SNX24: variants seen among roughly 807,000 people sequenced by gnomAD.
SNX24 encodes the protein sorting nexin-24.
SNX24 carries 22 observed loss-of-function variants against 28.7 expected under a neutral mutation model. That is an observed-to-expected ratio of 0.77 (90% CI 0.55 to 1.10). The LOEUF is 1.10. Among genes scored for constraint, SNX24 ranks in the 50% least tolerant of loss-of-function variants. The pLI is 0.00. For missense variants in SNX24, 221 were observed against 201.1 expected (o/e 1.10, Z -0.60); for synonymous variants, 69 against 71.5 (o/e 0.96, Z 0.18).
At chr5:123,005,436 C>G (rs1023924645) in intron 6 of SNX24, among the ~76,000 whole-genome samples, 1 of 152,200 alleles carries the variant, frequency 6.6e-6, no homozygotes, top group African/African-American at 2.4e-5. Flanking sequence ...TGTCTCTGGG[C>G]CCTCTCCAGC....
chr5:122,946,192 CATAA>C (rs1759678318), intron 3 of SNX24, 33 bp downstream of exon 3: 2 of 1,189,432 alleles, frequency 1.7e-6, no homozygotes, highest in Non-Finnish European at 2.5e-6. Flanking sequence ...TTTTATATAA[CATAA>C]ATAATCATAT....
chr5:122,947,067 G>A (rs1262463856), intron 3 of SNX24, among the ~76,000 whole-genome samples: 1 of 152,172 alleles, frequency 6.6e-6, no homozygotes, highest in Non-Finnish European at 1.5e-5. Flanking sequence ...CTGGGGGCAG[G>A]GGAATCTTGG....
chr5:122,927,278 T>C (rs912384085), intron 1 of SNX24, among the ~76,000 whole-genome samples: 30 of 152,192 alleles, frequency 2.0e-4, no homozygotes, highest in African/African-American at 7.2e-4. Context: ...TCCAAGGAGT[T>C]TGATTCAAGA....
At chr5:122,921,454 A>G (rs1314023597) in intron 1 of SNX24, among the ~76,000 whole-genome samples, 3 of 152,184 alleles carry the variant, frequency 2.0e-5, no homozygotes, top group African/African-American at 7.2e-5. Context: ...TCTTATTCAA[A>G]AAGTTTCTTT....
rs1045779100 is a variant in SNX24 at position 123,009,119 on chromosome 5, A to G, written c.*1370A>G. 3.1e-5 allele frequency: 31 copies of G among 985,414 alleles called. No individual in the cohort carries two copies. Among genetic ancestry groups the G allele is most frequent in the Non-Finnish European group, 3.7e-5 (31 of 829,612 alleles). The allele number at this position is 985,414 out of a possible 1,614,324, so 61.0% of individuals were successfully genotyped here. ...ACTAAATAATCAAATGTTGTCAACC[A>G]AAAGTAATAGTTGGGTATTGGAGAT... On this transcript the variant is annotated 3_prime_UTR_variant, in exon 7 of 7. Transcript: ENST00000261369.
intron 3 of SNX24, among the ~76,000 whole-genome samples, chr5:122,973,867 C>T (rs1426871236): frequency 6.6e-6 from 1 of 152,178 alleles, no homozygotes; most frequent in African/African-American, 2.4e-5. Context: ...GAGGCCTTTG[C>T]TGTAATTCAC....
At chr5:122,944,600 G>T (rs916553115) in intron 2 of SNX24, among the ~76,000 whole-genome samples, 1 of 152,156 alleles carries the variant, frequency 6.6e-6, no homozygotes, top group Non-Finnish European at 1.5e-5. Context: ...TAAAATGTCT[G>T]GTGCTGGTGT....
intron 1 of SNX24, among the ~76,000 whole-genome samples, chr5:122,917,408 C>T (rs946232178): frequency 4.6e-5 from 7 of 152,174 alleles, no homozygotes; most frequent in African/African-American, 1.7e-4. Context: ...AATGTGGCAT[C>T]CAAAAATGAT....
chr5:122,956,362 AT>A lies in SNX24; in HGVS notation c.249+10204del, dbSNP rs1473690743. Among the ~76,000 whole-genome samples, 327 of 62,558 alleles carry A rather than the reference AT, an allele frequency of 5.2e-3. 5 individuals are homozygous for A. The highest frequency in any genetic ancestry group is 0.017 in the African/African-American group (260 of 15,128). The allele number at this position is 62,558 out of a possible 152,430, so 41.0% of individuals were successfully genotyped here. The stretch of plus-strand genomic sequence containing the variant: ...CTTTAAAACACTTGGGAAAAAAAAA[AT>A]ATATACACACACACACACACACACA... On this transcript the variant is annotated intron_variant, in intron 3 of 6. Coordinates refer to ENST00000261369, the MANE Select transcript of SNX24 (RefSeq NM_014035.4).
chr5:123,001,353 T>A (rs1342788520), intron 4 of SNX24, 52 bp from the exon 5 acceptor site: 4 of 1,228,268 alleles, frequency 3.3e-6, no homozygotes, highest in African/African-American at 1.5e-5. Flanking sequence ...GGCATAAACA[T>A]TGACTCAACA....
chr5:122,991,089 G>A (rs1163777273), intron 3 of SNX24, among the ~76,000 whole-genome samples: 1 of 152,152 alleles, frequency 6.6e-6, no homozygotes, highest in Non-Finnish European at 1.5e-5. Context: ...TAGAGACAGA[G>A]TTTCACCATG....
intron 1 of SNX24, among the ~76,000 whole-genome samples, chr5:122,852,387 A>G (rs1754964047): frequency 6.6e-6 from 1 of 151,042 alleles, no homozygotes. Flanking sequence ...TCTGTCGCCC[A>G]GGCTGAGTTC....
chr5:122,995,054 G>T lies in SNX24; in HGVS notation c.250-4858G>T, dbSNP rs1174530693. Among the ~76,000 whole-genome samples, 8 of 152,218 alleles carry T rather than the reference G, an allele frequency of 5.3e-5. No homozygotes were observed. The South Asian group carries it at 1.7e-3, about 32-fold the overall frequency. ...ATATTCCTAAATGACAGATTGGATG[G>T]AAATTTCTTTAGTGCATTTCTCTGT... On this transcript the variant is annotated intron_variant, in intron 3 of 6. Transcript: ENST00000261369.
intron 1 of SNX24, among the ~76,000 whole-genome samples, chr5:122,916,345 T>C (rs1758163829): frequency 6.6e-6 from 1 of 152,226 alleles, no homozygotes; most frequent in Non-Finnish European, 1.5e-5. Flanking sequence ...TTCTGTGGAG[T>C]TGGTTCCTTC....
At chr5:122,918,237 G>A (rs1035323340) in intron 1 of SNX24, among the ~76,000 whole-genome samples, 2 of 152,100 alleles carry the variant, frequency 1.3e-5, no homozygotes, top group African/African-American at 4.8e-5. Flanking sequence ...CATACGAATT[G>A]GGAGGTGGTG....
intron 1 of SNX24, among the ~76,000 whole-genome samples, chr5:122,917,219 T>C (rs1758215461): frequency 6.8e-6 from 1 of 147,562 alleles, no homozygotes; most frequent in South Asian, 2.1e-4. Flanking sequence ...ATTGTGCCAC[T>C]GCACTCCAGC....
intron 2 of SNX24, 127 bp downstream of exon 2, chr5:122,936,944 A>T (rs949651506): frequency 8.1e-6 from 4 of 494,074 alleles, no homozygotes; most frequent in African/African-American, 7.9e-5. Context: ...TTCTTTTATC[A>T]TAAAGTAAAT....
At chr5:122,970,400 T>A (rs1423725374) in intron 3 of SNX24, among the ~76,000 whole-genome samples, 1 of 152,098 alleles carries the variant, frequency 6.6e-6, no homozygotes, top group Admixed American at 6.5e-5. Context: ...CGAAAACCTT[T>A]CGTGGCTCCT....
chr5:122,970,700 C>G (rs1760922870), intron 3 of SNX24, among the ~76,000 whole-genome samples: 1 of 152,192 alleles, frequency 6.6e-6, no homozygotes, highest in Non-Finnish European at 1.5e-5. Flanking sequence ...CATCTCCTGA[C>G]CTCGTGATCC....
Sources: gnomAD v4.1 joint callset for allele counts (sites outside exome capture counted in the v4.1 genomes callset) on GRCh38, gnomAD v4.1.1 for gene constraint, MANE v1.5 for transcripts, NCBI Gene and HGNC (gene_info 2026-07-23, HGNC 2026-07-21) for gene names.